PPP1R12A: variants seen among roughly 807,000 people sequenced by gnomAD.
The protein encoded by PPP1R12A is myosin binding subunit.
In PPP1R12A, 19 loss-of-function variants were observed where a neutral mutation model predicts 139.6. The observed-to-expected ratio is 0.14, with a 90% CI of 0.09 to 0.20. The LOEUF is 0.20. Among genes scored for constraint, PPP1R12A ranks in the 10% least tolerant of loss-of-function variants. PPP1R12A has a pLI of 1.00. For missense variants in PPP1R12A, 925 were observed against 1,211.5 expected, an observed-to-expected ratio of 0.76 and a Z score of 3.51; for synonymous variants, 427 against 420.6, an observed-to-expected ratio of 1.02 and a Z score of -0.19.
intron 1 of PPP1R12A, among the ~76,000 whole-genome samples, chr12:79,909,290 A>G (rs1886368742): frequency 6.6e-6 from 1 of 152,186 alleles, no homozygotes; most frequent in Non-Finnish European, 1.5e-5. Context: ...TATATCCTTA[A>G]ATACTATTAT....
chr12:79,853,362 C>CTTCCCCTAATTCCGCTCTTT (rs1315218445), intron 2 of PPP1R12A, among the ~76,000 whole-genome samples: 1 of 152,186 alleles, frequency 6.6e-6, no homozygotes, highest in African/African-American at 2.4e-5. Flanking sequence ...GGAACTACTG[C>CTTCCCCTAATTCCGCTCTTT]AGTGTCATTA....
chr12:79,896,156 AG>A (rs1403465397), intron 1 of PPP1R12A, among the ~76,000 whole-genome samples: 1 of 152,132 alleles, frequency 6.6e-6, no homozygotes, highest in African/African-American at 2.4e-5. Context: ...CCATGCTAGG[AG>A]GACCTAAATT....
chr12:79,926,211 A>G (rs1285788070), intron 1 of PPP1R12A, among the ~76,000 whole-genome samples: 1 of 152,134 alleles, frequency 6.6e-6, no homozygotes, highest in Non-Finnish European at 1.5e-5. Context: ...TTTAAGACAG[A>G]ATCTCGCTCT....
At chr12:79,920,129 T>C (rs1228606490) in intron 1 of PPP1R12A, among the ~76,000 whole-genome samples, 4 of 152,236 alleles carry the variant, frequency 2.6e-5, no homozygotes, top group Admixed American at 1.3e-4. Context: ...TCATACACCA[T>C]GTGGTCTTTT....
At chr12:79,914,775 A>G (rs1886860439) in intron 1 of PPP1R12A, among the ~76,000 whole-genome samples, 1 of 152,080 alleles carries the variant, frequency 6.6e-6, no homozygotes, top group Non-Finnish European at 1.5e-5. Flanking sequence ...ATCTCTCTAG[A>G]TAACTAGACC....
At chr12:79,781,707 A>G (rs1870468407) in intron 23 of PPP1R12A, 108 bp downstream of exon 23, 2 of 570,516 alleles carry the variant, frequency 3.5e-6, no homozygotes, top group East Asian at 3.1e-5. Context: ...AAATATTTAA[A>G]CTAATTAAAA....
chr12:79,786,698 T>C lies in PPP1R12A; in HGVS notation c.2803-220A>G, dbSNP rs146378743. ...TAAAATTAGTTCCAGTATTCAAAAA[T>C]CAAGACTTCACAGAAAAATTGGACT... On this transcript the variant is annotated intron_variant, in intron 21 of 24. Transcript: ENST00000450142. The C allele has an allele frequency of 3.2e-3, 1,070 of 333,306 alleles. 9 individuals are homozygous for C. The highest frequency in any genetic ancestry group is 0.027 in the Admixed American group (532 of 19,524). 20.6% of individuals were successfully genotyped at this position (333,306 alleles called of 1,614,324 possible).
chr12:79,916,862 G>A (rs1887036063), intron 1 of PPP1R12A, among the ~76,000 whole-genome samples: 1 of 151,690 alleles, frequency 6.6e-6, no homozygotes, highest in African/African-American at 2.4e-5. Flanking sequence ...AAATATTACT[G>A]GGAATAGCCA....
chr12:79,806,364 G>A, intron 12 of PPP1R12A, 31 bp from the exon 13 acceptor site: 2 of 1,567,570 alleles, frequency 1.3e-6, no homozygotes, highest in Admixed American at 1.7e-5. Context: ...TATATAGGAT[G>A]TGTTTGTATG....
At chr12:79,824,295 T>C (rs746918348) in intron 5 of PPP1R12A, among the ~76,000 whole-genome samples, 1 of 152,230 alleles carries the variant, frequency 6.6e-6, no homozygotes, top group Non-Finnish European at 1.5e-5. Context: ...TTTAAGATTA[T>C]GTTATGTGGA....
At chr12:79,891,076 A>T (rs763491619) in intron 1 of PPP1R12A, among the ~76,000 whole-genome samples, 12 of 152,128 alleles carry the variant, frequency 7.9e-5, no homozygotes, top group Admixed American at 2.0e-4. Flanking sequence ...GCAGGGGGGA[A>T]CTACATTCCT....
chr12:79,848,884 T>A (rs571160369), intron 2 of PPP1R12A: 28 of 152,192 alleles, frequency 1.8e-4, no homozygotes, highest in African/African-American at 6.7e-4. Context: ...CAGAAACTTT[T>A]ATGCTCTGCA....
chr12:79,855,081 C>T lies in PPP1R12A; in HGVS notation c.369-9661G>A, dbSNP rs1026833500. 2.6e-5 allele frequency among the ~76,000 whole-genome samples: 4 copies of T among 152,052 alleles called. No homozygotes were observed. In the East Asian group the frequency reaches 5.8e-4, roughly 22 times the overall value. On this transcript the variant is annotated intron_variant, in intron 2 of 24. Transcript: ENST00000450142. The stretch of plus-strand genomic sequence containing the variant: ...TCCGCTCACTGTAAGCTCCGCCTCC[C>T]GGGTTCATGCCATTCTCCTGCTTCA...
intron 1 of PPP1R12A, among the ~76,000 whole-genome samples, chr12:79,933,022 TTATA>T (rs1170757535): frequency 6.6e-6 from 1 of 152,252 alleles, no homozygotes; most frequent in Non-Finnish European, 1.5e-5. Context: ...AAGATTCATC[TTATA>T]TAATTACATT....
intron 4 of PPP1R12A, among the ~76,000 whole-genome samples, chr12:79,829,855 A>G (rs938794554): frequency 6.6e-6 from 1 of 152,136 alleles, no homozygotes; most frequent in East Asian, 1.9e-4. Flanking sequence ...TTCAACATAA[A>G]AAAAGACAGT....
At chr12:79,931,813 A>G (rs1451252701) in intron 1 of PPP1R12A, among the ~76,000 whole-genome samples, 2 of 152,118 alleles carry the variant, frequency 1.3e-5, no homozygotes, top group Non-Finnish European at 2.9e-5. Context: ...GTGGGGGAGA[A>G]AGGCTACTCT....
chr12:79,829,969 A>C (rs1035129393), intron 4 of PPP1R12A, among the ~76,000 whole-genome samples: 31 of 152,308 alleles, frequency 2.0e-4, no homozygotes, highest in Admixed American at 2.6e-4. Flanking sequence ...GAAAAGCATC[A>C]AAATCAAATT....
intron 3 of PPP1R12A, among the ~76,000 whole-genome samples, chr12:79,843,410 T>C (rs1164096294): frequency 6.6e-6 from 1 of 151,802 alleles, no homozygotes; most frequent in Non-Finnish European, 1.5e-5. Flanking sequence ...ACCCCATCTC[T>C]ACTAAAAATA....
chr12:79,873,902 T>C (rs1410334809), intron 1 of PPP1R12A, among the ~76,000 whole-genome samples: 2 of 152,228 alleles, frequency 1.3e-5, no homozygotes, highest in Non-Finnish European at 2.9e-5. Context: ...TCTACTTAAA[T>C]GACAAACTAC....
Sources: gnomAD v4.1 joint callset for allele counts (sites outside exome capture counted in the v4.1 genomes callset) on GRCh38, gnomAD v4.1.1 for gene constraint, MANE v1.5 for transcripts, NCBI Gene and HGNC (gene_info 2026-07-23, HGNC 2026-07-21) for gene names.